Variants in KCNK2 observed in about 807,000 individuals in gnomAD.
The protein encoded by KCNK2 is potassium two pore domain channel subfamily K member 2, also known as potassium channel subfamily K member 2.
Under a neutral mutation model 40.5 loss-of-function variants are expected in KCNK2, and 21 were observed. The observed-to-expected ratio is 0.52, with a 90% CI of 0.37 to 0.75. The LOEUF (loss-of-function observed/expected upper bound fraction) is 0.75. Ranked by LOEUF, KCNK2 falls within the 30% of genes least tolerant of loss-of-function variation. KCNK2 has a pLI of 0.00. For synonymous variants in KCNK2, 191 were observed against 202.2 expected, an observed-to-expected ratio of 0.94 and a Z score of 0.47; for missense variants, 399 against 531.6, an observed-to-expected ratio of 0.75 and a Z score of 2.45.
intron 1 of KCNK2, among the ~76,000 whole-genome samples, chr1:215,057,354 G>C (rs907738405): frequency 6.6e-6 from 1 of 152,118 alleles, no homozygotes. Flanking sequence ...AAATGCAGAG[G>C]AACTGAACTG....
intron 2 of KCNK2, among the ~76,000 whole-genome samples, chr1:215,113,987 C>T (rs1368560658): frequency 6.6e-6 from 1 of 152,172 alleles, no homozygotes; most frequent in Admixed American, 6.6e-5. Context: ...CATAACCTTT[C>T]CCCTTCATGC....
At chr1:215,118,421 A>C (rs1661041515) in intron 2 of KCNK2, among the ~76,000 whole-genome samples, 1 of 152,046 alleles carries the variant, frequency 6.6e-6, no homozygotes, top group Non-Finnish European at 1.5e-5. Context: ...TCCTCATCCC[A>C]CATTCTTCAA....
intron 3 of KCNK2, among the ~76,000 whole-genome samples, chr1:215,125,742 AT>A (rs1478443231): frequency 7.8e-3 from 17 of 2,192 alleles, no homozygotes; most frequent in East Asian, 0.013. Context: ...TATAATAAAT[AT>A]ATATATATAT....
chr1:215,073,361 CTAA>C (rs1391958682), intron 1 of KCNK2, among the ~76,000 whole-genome samples: 1 of 152,130 alleles, frequency 6.6e-6, no homozygotes, highest in African/African-American at 2.4e-5. Context: ...GGAACAAGCA[CTAA>C]TAATTCTTGC....
Position 215,220,594 on chromosome 1 carries a change from T to G in KCNK2, c.964-14234T>G, listed in dbSNP as rs570859623. On this transcript the variant is annotated intron_variant, in intron 6 of 6. Coordinates refer to ENST00000444842, the MANE Select transcript of KCNK2 (RefSeq NM_001017425.3). ...GATGGCTAACTAGTTCTGCTCCATT[T>G]CACTGCTTTGGGACTGAATTGTTTA... 4.6e-5 allele frequency among the ~76,000 whole-genome samples: 7 copies of G among 152,296 alleles called. No individual in the cohort carries two copies. In the East Asian group the frequency reaches 1.2e-3, roughly 25 times the overall value.
At chr1:215,184,843 A>T (rs1247000412) in intron 5 of KCNK2, among the ~76,000 whole-genome samples, 1 of 152,140 alleles carries the variant, frequency 6.6e-6, no homozygotes, top group Non-Finnish European at 1.5e-5. Context: ...AACAGTGTCA[A>T]TTCAGTATGT....
chr1:215,019,434 T>A (rs1461575347), intron 1 of KCNK2, among the ~76,000 whole-genome samples: 1 of 152,238 alleles, frequency 6.6e-6, no homozygotes, highest in East Asian at 1.9e-4. Flanking sequence ...AATAATCAGC[T>A]GAGACACCCA....
At chr1:215,143,547 T>G (rs995182064) in intron 3 of KCNK2, among the ~76,000 whole-genome samples, 5 of 152,152 alleles carry the variant, frequency 3.3e-5, no homozygotes, top group African/African-American at 1.2e-4. Flanking sequence ...CCCTATAAGG[T>G]GGTTGTTTCC....
chr1:215,090,980 T>TG (rs1267493662), intron 2 of KCNK2, among the ~76,000 whole-genome samples: 2 of 151,964 alleles, frequency 1.3e-5, no homozygotes, highest in African/African-American at 4.8e-5. Context: ...TTTAAGATGA[T>TG]GGAAAAAAAA....
At chr1:215,210,010 TAATATATAATATATATTATATATAA>T (rs1665656679) in intron 6 of KCNK2, among the ~76,000 whole-genome samples, 1 of 25,822 alleles carries the variant, frequency 3.9e-5, no homozygotes, top group East Asian at 1.3e-3. Context: ...ATATTATATA[TAATATATAATATATATTATATATAA>T]TATATATAAT....
chr1:215,189,437 C>A (rs1447474798), intron 5 of KCNK2, among the ~76,000 whole-genome samples: 4 of 152,158 alleles, frequency 2.6e-5, no homozygotes, highest in African/African-American at 9.6e-5. Context: ...TATACTGTTC[C>A]ATCTTTATAA....
intron 3 of KCNK2, among the ~76,000 whole-genome samples, chr1:215,128,303 C>T (rs568701306): frequency 6.6e-6 from 1 of 152,236 alleles, no homozygotes; most frequent in South Asian, 2.1e-4. Flanking sequence ...GTCTGTTTGG[C>T]TACTGCCATT....
At chr1:215,035,481 C>G (rs143804784) in intron 1 of KCNK2, among the ~76,000 whole-genome samples, 1 of 152,002 alleles carries the variant, frequency 6.6e-6, no homozygotes, top group Non-Finnish European at 1.5e-5. Flanking sequence ...TCGTTTTGCC[C>G]TTTTCATAAT....
chr1:215,085,996 T>C (rs1314063294), intron 1 of KCNK2, among the ~76,000 whole-genome samples: 2 of 152,212 alleles, frequency 1.3e-5, no homozygotes, highest in Non-Finnish European at 2.9e-5. Flanking sequence ...AAATATCTAG[T>C]TAAGTACCAT....
intron 1 of KCNK2, among the ~76,000 whole-genome samples, chr1:215,007,181 G>A (rs1281681995): frequency 0.014 from 871 of 64,294 alleles, 53 homozygotes; most frequent in Middle Eastern, 0.035. Flanking sequence ...ATGTATGTGT[G>A]TGGGTATATA....
chr1:215,076,910 ATATG>A (rs1269493334), intron 1 of KCNK2, among the ~76,000 whole-genome samples: 1 of 152,238 alleles, frequency 6.6e-6, no homozygotes, highest in Non-Finnish European at 1.5e-5. Flanking sequence ...AACAAGAAGA[ATATG>A]TATGTGGCTT....
At chr1:215,193,915 T>C (rs924782891) in intron 5 of KCNK2, among the ~76,000 whole-genome samples, 1 of 152,206 alleles carries the variant, frequency 6.6e-6, no homozygotes, top group Admixed American at 6.5e-5. Flanking sequence ...TTCCATGTTT[T>C]GATCCTCATT....
At chr1:215,007,087 GTATATATATATGTATATATA>G (rs1656178528) in intron 1 of KCNK2, among the ~76,000 whole-genome samples, 4 of 120,492 alleles carry the variant, frequency 3.3e-5, no homozygotes, top group Non-Finnish European at 5.1e-5. Context: ...ATATATGTGT[GTATATATATATGTATATATA>G]TGTGTGTATA....
intron 5 of KCNK2, among the ~76,000 whole-genome samples, chr1:215,174,259 C>T (rs975385332): frequency 4.2e-4 from 64 of 152,002 alleles, no homozygotes; most frequent in Non-Finnish European, 7.8e-4. Flanking sequence ...TTTGTCAGGT[C>T]TGTCAAAGAT....
Sources: allele counts gnomAD v4.1 joint callset (sites outside exome capture counted in the v4.1 genomes callset), GRCh38; gene constraint gnomAD v4.1.1; transcripts MANE v1.5; gene names NCBI Gene and HGNC (gene_info 2026-07-23, HGNC 2026-07-21).